The following SLCO4A1 variants were observed in gnomAD, a reference collection of about 807,000 sequenced individuals.
The protein encoded by SLCO4A1 is colon organic anion transporter.
SLCO4A1 carries 51 observed loss-of-function variants against 64.6 expected under a neutral mutation model. That is an observed-to-expected ratio of 0.79 (90% CI 0.63 to 1.00). SLCO4A1 has a LOEUF of 1.00. Ranked by LOEUF, SLCO4A1 falls within the 50% of genes least tolerant of loss-of-function variation. SLCO4A1 has a pLI of 0.00. For missense variants in SLCO4A1, 919 were observed against 980.5 expected (o/e 0.94, Z 0.84); for synonymous variants, 471 against 444.9 (o/e 1.06, Z -0.74).
chr20:62,676,289 G>A (rs143093492), downstream of SLCO4A1, among the ~76,000 whole-genome samples: 659 of 152,158 alleles, frequency 4.3e-3, 5 homozygotes, highest in African/African-American at 0.015. Context: ...GCATGGTGGC[G>A]TGCGCCTGTA....
chr20:62,688,483 C>T (rs1476536663), downstream of SLCO4A1, among the ~76,000 whole-genome samples: 2 of 152,214 alleles, frequency 1.3e-5, no homozygotes, highest in East Asian at 3.9e-4. Context: ...TCTGTGTGCA[C>T]ACAGCAAACA....
At chr20:62,642,960 C>G (rs905341444) in intron 1 of SLCO4A1, 14 of 468,168 alleles carry the variant, frequency 3.0e-5, no homozygotes, top group Non-Finnish European at 4.9e-5. Context: ...CCCCACAGAT[C>G]CAGCTGGGGA....
intron 1 of SLCO4A1, chr20:62,651,323 T>C (rs1021257804): frequency 3.9e-5 from 6 of 152,104 alleles, no homozygotes; most frequent in Admixed American, 3.9e-4. Context: ...GAAGATGGAA[T>C]GGGTACTGTC....
intron 1 of SLCO4A1, among the ~76,000 whole-genome samples, chr20:62,647,486 G>A (rs115251702): frequency 1.9e-3 from 297 of 152,350 alleles, no homozygotes; most frequent in African/African-American, 6.8e-3. Flanking sequence ...CCTGGAAGCC[G>A]GGACTGGGAC....
At chr20:62,686,213 T>C (rs1221622280), downstream of SLCO4A1, among the ~76,000 whole-genome samples, 2 of 152,132 alleles carry the variant, frequency 1.3e-5, no homozygotes, top group Non-Finnish European at 2.9e-5. Flanking sequence ...GAGCTCCTGG[T>C]ACAGGATGGC....
rs370597801 is a variant in SLCO4A1 at position 62,664,203 on chromosome 20, T to C, written c.1122-731T>C. 3.4e-4 allele frequency among the ~76,000 whole-genome samples: 51 copies of C among 151,918 alleles called. No homozygotes were observed. The South Asian group carries it at 0.01, about 31-fold the overall frequency. On this transcript the variant is annotated intron_variant, in intron 5 of 11. Coordinates refer to ENST00000217159, the MANE Select transcript of SLCO4A1 (RefSeq NM_016354.4). ...GCCAGACGGCTCAGAGTTCCCACAG[T>C]TCCCCCCAGGGCTCCAGGCCCATGC...
intron 1 of SLCO4A1, among the ~76,000 whole-genome samples, chr20:62,654,254 C>T (rs1369565519): frequency 2.6e-5 from 4 of 152,316 alleles, no homozygotes; most frequent in East Asian, 1.9e-4. Context: ...CACCTGTCAC[C>T]GGGTTTAGGG....
At chr20:62,668,599 G>A in intron 10 of SLCO4A1, 58 bp downstream of exon 10, 1 of 1,470,866 alleles carries the variant, frequency 6.8e-7, no homozygotes, top group Admixed American at 1.7e-5. Flanking sequence ...CTGCACAAGG[G>A]CATGGGCAAG....
At chr20:62,669,159 C>G (rs1314813253) in intron 11 of SLCO4A1, 81 bp downstream of exon 11, 6 of 1,383,536 alleles carry the variant, frequency 4.3e-6, no homozygotes, top group Non-Finnish European at 6.0e-6. Flanking sequence ...CTTCCAGCAG[C>G]TTGGACCACA....
intron 9 of SLCO4A1, 139 bp from the exon 10 acceptor site, chr20:62,668,338 G>A (rs1268521247): frequency 8.0e-7 from 1 of 1,249,574 alleles, no homozygotes; most frequent in Admixed American, 1.7e-5. Context: ...CACTGTCTCT[G>A]ATCTCTGACG....
At chr20:62,664,202 G>T (rs1486843556) in intron 5 of SLCO4A1, among the ~76,000 whole-genome samples, 1 of 152,028 alleles carries the variant, frequency 6.6e-6, no homozygotes, top group African/African-American at 2.4e-5. Context: ...AGTTCCCACA[G>T]TTCCCCCCAG....
intron 1 of SLCO4A1, among the ~76,000 whole-genome samples, chr20:62,654,534 G>A (rs545408874): frequency 2.6e-5 from 4 of 152,298 alleles, no homozygotes; most frequent in South Asian, 4.1e-4. Flanking sequence ...GCGCGTCGCC[G>A]GCTGTGGCTG....
rs62199949 is a variant in SLCO4A1, at chr20:62,684,443, C to T, written n.212-998C>T. On this transcript the variant is annotated intron_variant and non_coding_transcript_variant, in intron 2 of 2. Coordinates refer to the SLCO4A1 transcript ENST00000466818. ...GATGGCCTCAGAGCTCATCAGCCAA[C>T]CCCCACCAGGCTACGCTGCCTCTTC... Among the ~76,000 whole-genome samples the T allele has an allele frequency of 9.8e-3, 1,491 of 152,318 alleles. 9 individuals carry two copies. The highest frequency in any genetic ancestry group is 0.031 in the Middle Eastern group (9 of 294).
At chr20:62,647,067 G>A (rs995910053) in intron 1 of SLCO4A1, among the ~76,000 whole-genome samples, 1 of 152,262 alleles carries the variant, frequency 6.6e-6, no homozygotes, top group Admixed American at 6.5e-5. Flanking sequence ...CTGCTCGCCT[G>A]TGCGAGGTCA....
intron 1 of SLCO4A1, chr20:62,643,165 C>T: frequency 5.6e-6 from 2 of 356,508 alleles, no homozygotes; most frequent in South Asian, 2.0e-5. Context: ...CCAGCAGCGG[C>T]GGCGCCCCTT....
intron 2 of SLCO4A1, among the ~76,000 whole-genome samples, chr20:62,657,827 G>C (rs1984018825): frequency 6.6e-6 from 1 of 152,218 alleles, no homozygotes; most frequent in Non-Finnish European, 1.5e-5. Context: ...AGCAAATCTG[G>C]AGAGTCAGAA....
intron 2 of SLCO4A1, among the ~76,000 whole-genome samples, chr20:62,677,946 C>T (rs1164492985): frequency 6.6e-6 from 1 of 152,254 alleles, no homozygotes; most frequent in Non-Finnish European, 1.5e-5. Context: ...AGGGAATCAG[C>T]CCTTCCCACC....
intron 3 of SLCO4A1, among the ~76,000 whole-genome samples, chr20:62,659,562 G>C (rs144226754): frequency 1.3e-5 from 2 of 152,154 alleles, no homozygotes. Flanking sequence ...CTCGTGTCCC[G>C]GGTCTGGATG....
chr20:62,672,150 C>G lies in SLCO4A1; in HGVS notation c.*257C>G. The G allele has an allele frequency of 7.3e-7, 1 of 1,373,942 alleles. No individual in the cohort carries two copies. The highest frequency in any genetic ancestry group is 1.5e-5 in the South Asian group (1 of 66,074). 85.1% of individuals were successfully genotyped at this position (1,373,942 alleles called of 1,614,324 possible). ...GTGTTTATAGAATGTGTTTTATACCCGATCGTGTGTGGTGTGCGTGAGGAC... is the reference window on the plus strand; with the variant it reads ...GTGTTTATAGAATGTGTTTTATACCGGATCGTGTGTGGTGTGCGTGAGGAC... On this transcript the variant is annotated 3_prime_UTR_variant, in exon 12 of 12. Transcript: ENST00000217159.
Sources: gnomAD v4.1 joint callset for allele counts (sites outside exome capture counted in the v4.1 genomes callset) on GRCh38, gnomAD v4.1.1 for gene constraint, MANE v1.5 for transcripts, NCBI Gene and HGNC (gene_info 2026-07-23, HGNC 2026-07-21) for gene names.